The following KLHL20 variants were observed in gnomAD, a reference collection of about 807,000 sequenced individuals.
KLHL20 encodes kelch-like protein 20.
KLHL20 carries 29 observed loss-of-function variants against 69.5 expected under a neutral mutation model. The observed-to-expected ratio is 0.42, with a 90% CI of 0.31 to 0.57. KLHL20 has a LOEUF of 0.57. KLHL20 is among the 20% of genes least tolerant of loss of function. The pLI, the probability that KLHL20 is intolerant of heterozygous loss-of-function variation, is 0.18. For synonymous variants in KLHL20, 253 were observed against 265.2 expected, an observed-to-expected ratio of 0.95 and a Z score of 0.45; for missense variants, 419 against 776.0, an observed-to-expected ratio of 0.54 and a Z score of 5.47.
intron 3 of KLHL20, among the ~76,000 whole-genome samples, chr1:173,736,892 G>A (rs986232982): frequency 6.6e-6 from 1 of 152,000 alleles, no homozygotes; most frequent in South Asian, 2.1e-4. Context: ...CACCGCACCC[G>A]GCCTATGTTT....
chr1:173,784,941 T>G (rs749030081), intron 11 of KLHL20, among the ~76,000 whole-genome samples: 3 of 152,178 alleles, frequency 2.0e-5, no homozygotes, highest in Non-Finnish European at 4.4e-5. Flanking sequence ...CTCCTATGAG[T>G]GAGAGCATGT....
intron 9 of KLHL20, among the ~76,000 whole-genome samples, chr1:173,775,137 T>C (rs1648374032): frequency 6.6e-6 from 1 of 152,134 alleles, no homozygotes; most frequent in South Asian, 2.1e-4. Context: ...TCTATTTAGA[T>C]AGTATGGGTA....
At chr1:173,752,836 T>G (rs564883986) in intron 4 of KLHL20, among the ~76,000 whole-genome samples, 2 of 152,284 alleles carry the variant, frequency 1.3e-5, no homozygotes, top group East Asian at 1.9e-4. Context: ...GGGTCATGTA[T>G]TCTCTTAAAT....
At chr1:173,760,916 G>T (rs1293475145) in intron 7 of KLHL20, among the ~76,000 whole-genome samples, 1 of 152,198 alleles carries the variant, frequency 6.6e-6, no homozygotes, top group African/African-American at 2.4e-5. Context: ...GAATGTAAAT[G>T]ACCTAAATGC....
At chr1:173,733,593 T>TAA in intron 2 of KLHL20, 120 bp from the exon 3 acceptor site, 2 of 848,430 alleles carry the variant, frequency 2.4e-6, no homozygotes, top group Non-Finnish European at 3.5e-6. Flanking sequence ...ACAAAAAATT[T>TAA]AAAAAAAAAA....
At chr1:173,741,197 G>T (rs1459764495) in intron 3 of KLHL20, among the ~76,000 whole-genome samples, 1 of 152,132 alleles carries the variant, frequency 6.6e-6, no homozygotes, top group Non-Finnish European at 1.5e-5. Context: ...TCTATCAAAG[G>T]ATCTGTGAAT....
chr1:173,750,099 A>C (rs554758043), intron 3 of KLHL20, among the ~76,000 whole-genome samples: 1 of 152,182 alleles, frequency 6.6e-6, no homozygotes, highest in South Asian at 2.1e-4. Flanking sequence ...TAATTACTAA[A>C]TTACCTAAGC....
At chr1:173,728,761 A>G (rs186038010) in intron 2 of KLHL20, among the ~76,000 whole-genome samples, 1 of 152,320 alleles carries the variant, frequency 6.6e-6, no homozygotes, top group East Asian at 1.9e-4. Context: ...AGGGAAATTT[A>G]TAGCACTAAA....
intron 2 of KLHL20, among the ~76,000 whole-genome samples, chr1:173,732,752 T>C (rs1403104101): frequency 2.0e-5 from 3 of 152,164 alleles, no homozygotes; most frequent in Admixed American, 6.5e-5. Flanking sequence ...TATGAACTTA[T>C]TCACTTATTT....
At chr1:173,750,883 T>C (rs1328170755) in intron 3 of KLHL20, among the ~76,000 whole-genome samples, 1 of 152,188 alleles carries the variant, frequency 6.6e-6, no homozygotes, top group African/African-American at 2.4e-5. Context: ...CTTAATAAAA[T>C]ATTTAAATTA....
chr1:173,738,658 G>C (rs1054745096), intron 3 of KLHL20, among the ~76,000 whole-genome samples: 1 of 152,010 alleles, frequency 6.6e-6, no homozygotes, highest in Non-Finnish European at 1.5e-5. Flanking sequence ...TTACCTTAAG[G>C]TATGTCCCTT....
intron 3 of KLHL20, among the ~76,000 whole-genome samples, chr1:173,735,716 C>T (rs2102474867): frequency 6.6e-6 from 1 of 152,162 alleles, no homozygotes; most frequent in African/African-American, 2.4e-5. Flanking sequence ...GCAGTGTACA[C>T]CGTACCCAAT....
chr1:173,774,711 G>C (rs1022264108), intron 9 of KLHL20, among the ~76,000 whole-genome samples: 2 of 147,678 alleles, frequency 1.4e-5, no homozygotes, highest in African/African-American at 5.2e-5. Flanking sequence ...TATATAATTA[G>C]TTCCTTTTCC....
Position 173,734,989 on chromosome 1 carries a change from G to T in KLHL20, c.597+703G>T, listed in dbSNP as rs1048402653. ...ACAGAGAAATTTAACTTTGGTGCTG[G>T]AACAACTTGTGCAAAATCCCAAGAC... is the stretch of plus-strand genomic sequence containing the variant. On this transcript the variant is annotated intron_variant, in intron 3 of 11. Coordinates refer to ENST00000209884, the MANE Select transcript of KLHL20 (RefSeq NM_014458.4). Among the ~76,000 whole-genome samples, 5 of 152,140 alleles carry T rather than the reference G, an allele frequency of 3.3e-5. 1 individual carries two copies. Among genetic ancestry groups the T allele is most frequent in the Admixed American group, 3.3e-4 (5 of 15,272 alleles).
intron 3 of KLHL20, among the ~76,000 whole-genome samples, chr1:173,737,614 G>A (rs934089434): frequency 6.6e-6 from 1 of 152,122 alleles, no homozygotes; most frequent in Non-Finnish European, 1.5e-5. Flanking sequence ...TGCTGTTTTG[G>A]TGACTATAGC....
intron 7 of KLHL20, among the ~76,000 whole-genome samples, chr1:173,759,749 C>G (rs774610726): frequency 6.6e-6 from 1 of 152,198 alleles, no homozygotes; most frequent in African/African-American, 2.4e-5. Context: ...GACCTTCCCT[C>G]TGACAGAGCC....
intron 10 of KLHL20, among the ~76,000 whole-genome samples, chr1:173,779,261 G>T (rs959656946): frequency 2.0e-5 from 3 of 151,434 alleles, no homozygotes; most frequent in African/African-American, 7.3e-5. Context: ...AGAAAATAAT[G>T]AATTTCTTTT....
chr1:173,735,001 C>T (rs1672458456), intron 3 of KLHL20, among the ~76,000 whole-genome samples: 2 of 152,072 alleles, frequency 1.3e-5, no homozygotes, highest in South Asian at 4.1e-4. Context: ...ACAACTTGTG[C>T]AAAATCCCAA....
chr1:173,781,249 C>T (rs1009719418), intron 10 of KLHL20, among the ~76,000 whole-genome samples: 1 of 152,014 alleles, frequency 6.6e-6, no homozygotes, highest in Non-Finnish European at 1.5e-5. Context: ...TTCTGGAGGG[C>T]CTGAGTAACA....
Sources: gnomAD v4.1 joint callset for allele counts (sites outside exome capture counted in the v4.1 genomes callset) on GRCh38, gnomAD v4.1.1 for gene constraint, MANE v1.5 for transcripts, NCBI Gene and HGNC (gene_info 2026-07-23, HGNC 2026-07-21) for gene names.